The following SLC35D4 variants were observed in gnomAD, a reference collection of about 807,000 sequenced individuals.
SLC35D4 encodes UDP-N-acetylglucosamine transporter SLC35D4.
At chr18:23,358,413 G>A in the SLC35D4 span, among the ~76,000 whole-genome samples, 5 of 151,916 alleles carry the variant, frequency 3.3e-5, no homozygotes, top group East Asian at 7.8e-4. Flanking sequence ...GAGCAGAAGT[G>A]TGGTCAGAGG....
the SLC35D4 span, chr18:23,373,700 A>G: frequency 6.2e-7 from 1 of 1,613,504 alleles, no homozygotes; most frequent in Non-Finnish European, 8.5e-7. Context: ...AAATGAGTTC[A>G]CTTGGACTTA....
chr18:23,349,588 A>C, the SLC35D4 span, among the ~76,000 whole-genome samples: 1 of 152,220 alleles, frequency 6.6e-6, no homozygotes, highest in Non-Finnish European at 1.5e-5. Context: ...CTGAGATGAC[A>C]CCACTGCACT....
the SLC35D4 span, among the ~76,000 whole-genome samples, chr18:23,344,236 T>G: frequency 2.6e-5 from 4 of 152,196 alleles, no homozygotes; most frequent in African/African-American, 9.6e-5. Context: ...TGTGCTACAT[T>G]TTCTTTATCC....
At chr18:23,368,810 A>G in the SLC35D4 span, 1 of 1,106,894 alleles carries the variant, frequency 9.0e-7, no homozygotes, top group South Asian at 1.5e-5. Context: ...TAAATACATA[A>G]AATAATCATT....
the SLC35D4 span, among the ~76,000 whole-genome samples, chr18:23,371,242 G>A: frequency 6.6e-6 from 1 of 151,932 alleles, no homozygotes; most frequent in Non-Finnish European, 1.5e-5. Context: ...CAACAGGCAT[G>A]TGCCACCATG....
At chr18:23,279,490 C>T in the SLC35D4 span, among the ~76,000 whole-genome samples, 1 of 152,098 alleles carries the variant, frequency 6.6e-6, no homozygotes, top group Admixed American at 6.5e-5. Context: ...CCAGTACCTC[C>T]GAATGTGACC....
chr18:23,264,793 T>A, the SLC35D4 span, among the ~76,000 whole-genome samples: 1 of 152,052 alleles, frequency 6.6e-6, no homozygotes, highest in Non-Finnish European at 1.5e-5. Context: ...TACAGGTGCA[T>A]CACGCCACGC....
chr18:23,418,344 G>A, the SLC35D4 span, among the ~76,000 whole-genome samples: 1 of 134,720 alleles, frequency 7.4e-6, no homozygotes, highest in African/African-American at 2.8e-5. Context: ...TTCAGGAGAA[G>A]CCAAAATTAT....
chr18:23,348,789 T>G, the SLC35D4 span, among the ~76,000 whole-genome samples: 1 of 152,236 alleles, frequency 6.6e-6, no homozygotes. Context: ...TTTTAAAAAA[T>G]CCAATATGAC....
At chr18:23,371,935 G>GCTTTTTTTTTT in the SLC35D4 span, among the ~76,000 whole-genome samples, 1 of 35,480 alleles carries the variant, frequency 2.8e-5, no homozygotes, top group Non-Finnish European at 4.9e-5. Flanking sequence ...TGTTTTTTTT[G>GCTTTTTTTTTT]TTTTTTTTTT....
the SLC35D4 span, among the ~76,000 whole-genome samples, chr18:23,410,724 G>A: frequency 6.6e-6 from 1 of 152,064 alleles, no homozygotes; most frequent in African/African-American, 2.4e-5. Context: ...TTGAACCTGA[G>A]AGGCAGAGGC....
the SLC35D4 span, among the ~76,000 whole-genome samples, chr18:23,405,400 G>A: frequency 6.6e-6 from 1 of 152,096 alleles, no homozygotes; most frequent in Non-Finnish European, 1.5e-5. Context: ...ATGTTGGTCA[G>A]GCTGACCTCA....
the SLC35D4 span, among the ~76,000 whole-genome samples, chr18:23,276,200 G>T: frequency 6.6e-6 from 1 of 151,830 alleles, no homozygotes; most frequent in African/African-American, 2.4e-5. Context: ...CCATTCTCCT[G>T]CCTCAGCCTC....
chr18:23,246,634 G>A, the SLC35D4 span, among the ~76,000 whole-genome samples: 115 of 151,510 alleles, frequency 7.6e-4, no homozygotes, highest in Middle Eastern at 3.4e-3. Context: ...CTTGTGATCC[G>A]CCCACCTTGG....
the SLC35D4 span, among the ~76,000 whole-genome samples, chr18:23,354,418 G>A: frequency 6.6e-6 from 1 of 151,532 alleles, no homozygotes; most frequent in Non-Finnish European, 1.5e-5. Context: ...CTACTCGGGA[G>A]GCTGAGGCAG....
At chr18:23,292,987 C>A in the SLC35D4 span, among the ~76,000 whole-genome samples, 1 of 152,182 alleles carries the variant, frequency 6.6e-6, no homozygotes, top group Non-Finnish European at 1.5e-5. Context: ...CGCCTATAAT[C>A]CCAGCACTTT....
At chr18:23,326,257 C>A in the SLC35D4 span, among the ~76,000 whole-genome samples, 1 of 152,104 alleles carries the variant, frequency 6.6e-6, no homozygotes, top group East Asian at 1.9e-4. Flanking sequence ...CACAGACTGG[C>A]AAATTGGATA....
At chr18:23,340,320 G>T in the SLC35D4 span, among the ~76,000 whole-genome samples, 1 of 152,038 alleles carries the variant, frequency 6.6e-6, no homozygotes, top group Non-Finnish European at 1.5e-5. Context: ...GGGTGATAGA[G>T]AGATCCTGTC....
the SLC35D4 span, among the ~76,000 whole-genome samples, chr18:23,370,531 T>C: frequency 6.6e-6 from 1 of 152,202 alleles, no homozygotes; most frequent in African/African-American, 2.4e-5. Context: ...ATCATGATTA[T>C]GAAGGACACA....
Sources: gnomAD v4.1 joint callset for allele counts (sites outside exome capture counted in the v4.1 genomes callset) on GRCh38, gnomAD v4.1.1 for gene constraint, MANE v1.5 for transcripts, NCBI Gene and HGNC (gene_info 2026-07-23, HGNC 2026-07-21) for gene names.